Variants in DDHD1 observed in about 807,000 individuals in gnomAD.
DDHD1 encodes the protein DDHD domain containing 1.
Under a neutral mutation model 96.4 loss-of-function variants are expected in DDHD1, and 49 were observed. The ratio of observed to expected loss-of-function variants is 0.51; its 90% CI spans 0.40 to 0.64. DDHD1 has a LOEUF of 0.64. Ranked by LOEUF, DDHD1 falls within the 30% of genes least tolerant of loss-of-function variation. The probability of loss-of-function intolerance (pLI) is 0.00; values close to 1 mark genes in which losing one functional copy is unlikely to be tolerated. For missense variants in DDHD1, 1,106 were observed against 1,161.2 expected, an observed-to-expected ratio of 0.95 and a Z score of 0.69; for synonymous variants, 442 against 446.5, an observed-to-expected ratio of 0.99 and a Z score of 0.13.
chr14:53,074,876 T>A (rs1884821426), intron 4 of DDHD1, among the ~76,000 whole-genome samples: 1 of 152,164 alleles, frequency 6.6e-6, no homozygotes, highest in African/African-American at 2.4e-5. Flanking sequence ...ATGTGCTCAC[T>A]CTGTGTCTCT....
intron 4 of DDHD1, among the ~76,000 whole-genome samples, chr14:53,084,702 T>G (rs566461424): frequency 1.0e-3 from 154 of 152,324 alleles, no homozygotes; most frequent in Non-Finnish European, 2.0e-3. Context: ...AGCTCCCAGC[T>G]TGATCGATGC....
intron 1 of DDHD1, among the ~76,000 whole-genome samples, chr14:53,140,081 G>A (rs1223170621): frequency 6.6e-6 from 1 of 152,022 alleles, no homozygotes; most frequent in Non-Finnish European, 1.5e-5. Context: ...CAACACAGCT[G>A]AGGAAAGAAT....
In DDHD1 at chr14:53,152,825, TGA is replaced by T. The variant is rs1340341894; in HGVS notation, c.272_273del (p.Phe91Ter). Reference protein sequence around the residue: ...DPCLSDENYDFSSAESGSSLR... With the variant: ...DPCLSDENYDXSSAESGSSLR... ...AGCGAGGAGCCCGACTCGGCGGAGCTGAAGTCATAGTTCTCGTCACTGAGGCA... is the reference window on the plus strand; with the variant it reads ...AGCGAGGAGCCCGACTCGGCGGAGCTAGTCATAGTTCTCGTCACTGAGGCA... On this transcript the variant is annotated frameshift_variant, in exon 1 of 13. Transcript: ENST00000673822. LOFTEE classifies it high-confidence loss of function. 1.2e-6 allele frequency: 2 copies of T among 1,611,322 alleles called. No individual in the cohort carries two copies. The highest frequency in any genetic ancestry group is 1.7e-5 in the Admixed American group (1 of 59,890).
chr14:53,084,675 G>C (rs1180038605), intron 4 of DDHD1, among the ~76,000 whole-genome samples: 1 of 152,118 alleles, frequency 6.6e-6, no homozygotes, highest in African/African-American at 2.4e-5. Context: ...GGTCAAATAG[G>C]AACAGCTCTG....
chr14:53,117,396 G>A (rs972873730), intron 1 of DDHD1, among the ~76,000 whole-genome samples: 3 of 152,182 alleles, frequency 2.0e-5, no homozygotes, highest in Admixed American at 2.0e-4. Flanking sequence ...CTAGCCAAGG[G>A]AAGCTGTGAC....
intron 2 of DDHD1, among the ~76,000 whole-genome samples, chr14:53,099,612 T>C (rs895050261): frequency 9.8e-5 from 15 of 152,342 alleles, no homozygotes; most frequent in African/African-American, 3.1e-4. Flanking sequence ...CTGATTACTA[T>C]GCATGTTTGG....
intron 12 of DDHD1, among the ~76,000 whole-genome samples, chr14:53,050,155 T>G (rs921398633): frequency 3.3e-5 from 5 of 152,064 alleles, no homozygotes; most frequent in African/African-American, 1.2e-4. Context: ...GGAGAAATCA[T>G]AAGAGGCTCT....
intron 1 of DDHD1, among the ~76,000 whole-genome samples, chr14:53,119,395 T>C (rs117473066): frequency 0.015 from 2,342 of 152,302 alleles, 34 homozygotes; most frequent in Non-Finnish European, 0.02. Flanking sequence ...CAAGGTACCA[T>C]TCCTTCTGAA....
At chr14:53,131,834 C>T (rs1447139689) in intron 1 of DDHD1, among the ~76,000 whole-genome samples, 3 of 152,132 alleles carry the variant, frequency 2.0e-5, no homozygotes, top group Non-Finnish European at 1.5e-5. Context: ...CTCAAAAGGA[C>T]ATCGCACATC....
chr14:53,120,484 T>C (rs1271155485), intron 1 of DDHD1, among the ~76,000 whole-genome samples: 1 of 152,190 alleles, frequency 6.6e-6, no homozygotes, highest in Non-Finnish European at 1.5e-5. Flanking sequence ...AGAGCCTGTA[T>C]AGCCAAGACA....
rs551341683 is a variant in DDHD1, at chr14:53,112,405, G to C, written c.839-8549C>G. ...GCACTCTAGCCTGGCAACAGAGCGA[G>C]ACTCCATCTCAAAAAAAAAAAAAAA... On this transcript the variant is annotated intron_variant, in intron 1 of 12. Transcript: ENST00000673822. Among the ~76,000 whole-genome samples the C allele has an allele frequency of 4.0e-5, 6 of 149,250 alleles. No homozygotes were observed. In the East Asian group the frequency reaches 1.2e-3, roughly 29 times the overall value.
At chr14:53,059,457 G>A (rs913610655) in intron 8 of DDHD1, among the ~76,000 whole-genome samples, 1 of 151,612 alleles carries the variant, frequency 6.6e-6, no homozygotes, top group African/African-American at 2.4e-5. Flanking sequence ...GTGTTAGTCA[G>A]GATAGTCTCG....
At chr14:53,111,229 G>A in intron 1 of DDHD1, among the ~76,000 whole-genome samples, 1 of 152,218 alleles carries the variant, frequency 6.6e-6, no homozygotes, top group East Asian at 1.9e-4. Context: ...GTCTAATCCA[G>A]ATCAGCCCCT....
chr14:53,049,680 A>AG (rs1882365978), intron 12 of DDHD1, among the ~76,000 whole-genome samples: 2 of 139,814 alleles, frequency 1.4e-5, no homozygotes, highest in South Asian at 4.8e-4. Context: ...AAAAAAAAAA[A>AG]GAACATAAAT....
rs188044308 is a variant in DDHD1, at chr14:53,082,304, T to C, written c.1290-8457A>G. On this transcript the variant is annotated intron_variant, in intron 4 of 12. Coordinates refer to ENST00000673822, the MANE Select transcript of DDHD1 (RefSeq NM_001160148.2). ...AGGATCATTAAATAGCTGTAAAACA[T>C]AAGTCTTCATAATTCCTCTCAATTA... 1.3e-3 allele frequency among the ~76,000 whole-genome samples: 196 copies of C among 152,238 alleles called. 1 individual carries two copies. The highest frequency in any genetic ancestry group is 2.2e-3 in the Non-Finnish European group (153 of 68,006).
At chr14:53,085,736 T>G (rs56403445) in intron 4 of DDHD1, among the ~76,000 whole-genome samples, 15 of 152,060 alleles carry the variant, frequency 9.9e-5, no homozygotes, top group Non-Finnish European at 1.9e-4. Flanking sequence ...CCAGAGCACC[T>G]CGTCTCCTCC....
At chr14:53,080,461 C>T (rs1227274110) in intron 4 of DDHD1, among the ~76,000 whole-genome samples, 1 of 152,096 alleles carries the variant, frequency 6.6e-6, no homozygotes, top group Non-Finnish European at 1.5e-5. Flanking sequence ...GGTGGTTGAA[C>T]ATATTTTTAT....
rs558201961 is a variant in DDHD1 at position 53,130,905 on chromosome 14, T to G, written c.838+21356A>C. Among the ~76,000 whole-genome samples, 3 of 152,318 alleles carry G rather than the reference T, an allele frequency of 2.0e-5. No individual in the cohort carries two copies. In the East Asian group the frequency reaches 5.8e-4, roughly 29 times the overall value. Reference sequence around the variant, plus strand: ...ATCTCCTCAAAAGCCTCTTGGACCATCACAGACACTTTGGGTAACTCTTAC... The same window carrying G: ...ATCTCCTCAAAAGCCTCTTGGACCAGCACAGACACTTTGGGTAACTCTTAC... On this transcript the variant is annotated intron_variant, in intron 1 of 12. Transcript: ENST00000673822.
Position 53,153,117 on chromosome 14 carries a change from GCTGTCCGGCGGC to G in DDHD1, c.-31_-20del. On this transcript the variant is annotated 5_prime_UTR_variant, in exon 1 of 13. Transcript: ENST00000673822. Reference sequence around the variant, plus strand: ...AATTCATGCTGTGGAGACGCCGCCGGCTGTCCGGCGGCGCGCGGAGCCGTGACCCCCAGCGCT... The same window carrying G: ...AATTCATGCTGTGGAGACGCCGCCGGGCGCGGAGCCGTGACCCCCAGCGCT... 1 of 1,374,300 alleles carries G rather than the reference GCTGTCCGGCGGC, an allele frequency of 7.3e-7. No homozygotes were observed. Among genetic ancestry groups the G allele is most frequent in the South Asian group, 1.7e-5 (1 of 58,580 alleles). The allele number at this position is 1,374,300 out of a possible 1,614,324, so 85.1% of individuals were successfully genotyped here.
Sources: gnomAD v4.1 joint callset for allele counts (sites outside exome capture counted in the v4.1 genomes callset) on GRCh38, gnomAD v4.1.1 for gene constraint, MANE v1.5 for transcripts, NCBI Gene and HGNC (gene_info 2026-07-23, HGNC 2026-07-21) for gene names.